Variants in FLT3 observed in about 807,000 individuals in gnomAD.
The protein encoded by FLT3 is fms related receptor tyrosine kinase 3, also known as receptor-type tyrosine-protein kinase FLT3.
FLT3 carries 46 observed loss-of-function variants against 126.6 expected under a neutral mutation model. That is an observed-to-expected ratio of 0.36 (90% CI 0.29 to 0.46). The LOEUF (loss-of-function observed/expected upper bound fraction) is 0.46, where lower values mean the gene tolerates loss of function less well. Ranked by LOEUF, FLT3 falls within the 20% of genes least tolerant of loss-of-function variation. The probability of loss-of-function intolerance (pLI) is 1.00; values close to 1 mark genes in which losing one functional copy is unlikely to be tolerated. For synonymous variants in FLT3, 404 were observed against 434.4 expected (o/e 0.93, Z 0.87); for missense variants, 1,069 against 1,190.3 (o/e 0.90, Z 1.50).
chr13:28,015,666 G>A lies in FLT3; in HGVS notation c.2577C>T (p.Ser859=), dbSNP rs769918229. Residue 859 remains serine (S), a synonymous_variant, in exon 21 of 24, where the codon AGC becomes AGT. Coordinates refer to ENST00000241453, the MANE Select transcript of FLT3 (RefSeq NM_004119.3). ...TAATGGTGTAGATGCCTTCAAACAG[G>A]CTTTCGGGGGCCATCCATTTTACAG... is the stretch of plus-strand genomic sequence containing the variant. ...RLPVKWMAPE[S]LFEGIYTIKS... The A allele has an allele frequency of 2.5e-6, 4 of 1,609,446 alleles. No individual in the cohort carries two copies. Among genetic ancestry groups the A allele is most frequent in the African/African-American group, 2.7e-5 (2 of 73,814 alleles).
intron 9 of FLT3, among the ~76,000 whole-genome samples, chr13:28,037,647 T>C (rs1422441303): frequency 6.6e-6 from 1 of 152,184 alleles, no homozygotes; most frequent in Non-Finnish European, 1.5e-5. Flanking sequence ...CCTGCCCCTC[T>C]TGCTCTGGAT....
At chr13:28,047,904 T>G (rs1193909338) in intron 9 of FLT3, among the ~76,000 whole-genome samples, 1 of 152,140 alleles carries the variant, frequency 6.6e-6, no homozygotes, top group Non-Finnish European at 1.5e-5. Context: ...TTTCTGTTTT[T>G]AAGGAGTTTT....
At chr13:28,058,224 A>C (rs868194688) in intron 3 of FLT3, among the ~76,000 whole-genome samples, 1 of 148,262 alleles carries the variant, frequency 6.7e-6, no homozygotes, top group African/African-American at 2.5e-5. Flanking sequence ...AAAAAACAAA[A>C]AAAAAAACGG....
At chr13:28,041,191 C>T (rs1159034244) in intron 9 of FLT3, among the ~76,000 whole-genome samples, 5 of 152,056 alleles carry the variant, frequency 3.3e-5, no homozygotes, top group African/African-American at 1.2e-4. Flanking sequence ...CAGTGCCCGA[C>T]CTCAGGAAGG....
At position 28,023,422 on chromosome 13, in the gene FLT3, C is replaced by T. The variant is rs373200538; in HGVS notation, c.2346G>A (p.Val782=). ...KRLEEEEDLN[V]LTFEDLLCFA... Reference sequence around the variant, plus strand: ...AGCAAAGAAGATCTTCAAATGTAAGCACATTCAAGTCCTCCTCTTCTTCCA... The same window carrying T: ...AGCAAAGAAGATCTTCAAATGTAAGTACATTCAAGTCCTCCTCTTCTTCCA... Residue 782 remains valine, a synonymous_variant, in exon 19 of 24, where the codon GTG becomes GTA. Transcript: ENST00000241453. 2 of 1,613,514 alleles carry T rather than the reference C, an allele frequency of 1.2e-6. No individual in the cohort carries two copies. Among genetic ancestry groups the T allele is most frequent in the African/African-American group, 1.3e-5 (1 of 74,922 alleles).
At chr13:28,073,944 A>AG (rs1188908492) in intron 1 of FLT3, among the ~76,000 whole-genome samples, 1 of 144,854 alleles carries the variant, frequency 6.9e-6, no homozygotes, top group Non-Finnish European at 1.5e-5. Flanking sequence ...TGCCTCTAAA[A>AG]AAAAAAAAAA....
At chr13:28,036,850 C>T (rs966173580) in intron 10 of FLT3, among the ~76,000 whole-genome samples, 3 of 152,132 alleles carry the variant, frequency 2.0e-5, no homozygotes, top group Non-Finnish European at 4.4e-5. Context: ...CATGGTGGCG[C>T]GTGCCTGTAG....
chr13:28,018,720 G>A (rs576510834), intron 19 of FLT3, 131 bp from the exon 20 acceptor site: 29 of 909,394 alleles, frequency 3.2e-5, no homozygotes, highest in East Asian at 1.2e-4. Context: ...GGGCTGTGCC[G>A]TGAGCGGCCA....
At chr13:28,026,222 T>G (rs1397969926) in intron 17 of FLT3, among the ~76,000 whole-genome samples, 7 of 151,776 alleles carry the variant, frequency 4.6e-5, no homozygotes, top group Non-Finnish European at 8.8e-5. Context: ...TGGTGGCACA[T>G]GCCTGTAATC....
intron 1 of FLT3, among the ~76,000 whole-genome samples, chr13:28,093,240 T>A (rs1242267811): frequency 6.6e-6 from 1 of 151,058 alleles, no homozygotes; most frequent in South Asian, 2.1e-4. Context: ...TTTTTTTTTT[T>A]AATTAGAGAT....
chr13:28,022,326 A>T (rs897701051), intron 19 of FLT3, among the ~76,000 whole-genome samples: 2 of 152,108 alleles, frequency 1.3e-5, no homozygotes, highest in African/African-American at 4.8e-5. Flanking sequence ...AGCCTGGGCA[A>T]CATGGTGAAT....
rs375433153 is a variant in FLT3, at chr13:28,006,306, T to TTATGTGTGTGTG, written c.2860-2133_2860-2132insCACACACACATA. Among the ~76,000 whole-genome samples the TTATGTGTGTGTG allele has an allele frequency of 3.8e-3, 566 of 147,090 alleles. 4 individuals carry two copies. Among genetic ancestry groups the TTATGTGTGTGTG allele is most frequent in the African/African-American group, 0.012 (494 of 40,114 alleles). On this transcript the variant is annotated intron_variant, in intron 23 of 23. Transcript: ENST00000241453. ...ACACTTCACTTTTCTTTCTAGAAAA[T>TTATGTGTGTGTG]TGTGTGTGTGTGTGTGTGTGTGTGT...
At chr13:28,063,446 C>T (rs1387522286) in intron 2 of FLT3, among the ~76,000 whole-genome samples, 2 of 152,190 alleles carry the variant, frequency 1.3e-5, no homozygotes, top group East Asian at 1.9e-4. Flanking sequence ...CGCCAATGCA[C>T]TCCAGCCTGG....
intron 2 of FLT3, among the ~76,000 whole-genome samples, chr13:28,064,062 A>T (rs1876801197): frequency 6.6e-6 from 1 of 152,178 alleles, no homozygotes; most frequent in South Asian, 2.1e-4. Flanking sequence ...ACTTGAGCCC[A>T]GGAGTTCAAG....
At chr13:28,029,531 T>C (rs1255429017) in intron 15 of FLT3, among the ~76,000 whole-genome samples, 1 of 152,140 alleles carries the variant, frequency 6.6e-6, no homozygotes, top group African/African-American at 2.4e-5. Context: ...ACAAACAAAA[T>C]AATAACACAT....
At chr13:28,055,918 C>T (rs1045260566) in intron 4 of FLT3, among the ~76,000 whole-genome samples, 4 of 152,082 alleles carry the variant, frequency 2.6e-5, no homozygotes, top group African/African-American at 7.2e-5. Flanking sequence ...GGAACATGAC[C>T]GACATTAAAG....
At chr13:28,006,727 CCTTT>C (rs1870932885) in intron 23 of FLT3, among the ~76,000 whole-genome samples, 1 of 146,912 alleles carries the variant, frequency 6.8e-6, no homozygotes, top group Non-Finnish European at 1.5e-5. Context: ...ACCTTTCTTT[CCTTT>C]TTTTTTTTTT....
At chr13:28,061,797 A>G in intron 3 of FLT3, 70 bp downstream of exon 3, 1 of 1,299,938 alleles carries the variant, frequency 7.7e-7, no homozygotes, top group Non-Finnish European at 1.1e-6. Context: ...TACAATAAAC[A>G]TGAACAGAAA....
chr13:28,021,407 G>T (rs1872372273), intron 19 of FLT3, among the ~76,000 whole-genome samples: 1 of 152,062 alleles, frequency 6.6e-6, no homozygotes, highest in East Asian at 1.9e-4. Context: ...AAAACAAAAT[G>T]CTTGTGAAAG....
Sources: gnomAD v4.1 joint callset for allele counts (sites outside exome capture counted in the v4.1 genomes callset) on GRCh38, gnomAD v4.1.1 for gene constraint, MANE v1.5 for transcripts, NCBI Gene and HGNC (gene_info 2026-07-23, HGNC 2026-07-21) for gene names.